DPYD: variants seen among roughly 807,000 people sequenced by gnomAD.
The protein encoded by DPYD is dihydropyrimidine dehydrogenase.
A neutral mutation model predicts 116.2 loss-of-function variants in DPYD; 109 were observed. That is an observed-to-expected ratio of 0.94 (90% confidence interval 0.80 to 1.10). DPYD has a LOEUF of 1.10. DPYD is among the 50% of genes least tolerant of loss of function. The pLI is 0.00. For missense variants in DPYD, 1,302 were observed against 1,254.5 expected, an observed-to-expected ratio of 1.04 and a Z score of -0.57; for synonymous variants, 440 against 432.0, an observed-to-expected ratio of 1.02 and a Z score of -0.23.
At chr1:97,455,004 A>C (rs1340684125) in intron 13 of DPYD, among the ~76,000 whole-genome samples, 1 of 151,912 alleles carries the variant, frequency 6.6e-6, no homozygotes, top group Non-Finnish European at 1.5e-5. Flanking sequence ...AATATATAGA[A>C]TATGACACAC....
At chr1:97,329,239 A>T (rs1050562294) in intron 16 of DPYD, among the ~76,000 whole-genome samples, 1 of 152,206 alleles carries the variant, frequency 6.6e-6, no homozygotes, top group African/African-American at 2.4e-5. Context: ...GCATAAATTC[A>T]TTTTTGTGGT....
intron 12 of DPYD, among the ~76,000 whole-genome samples, chr1:97,547,167 A>G (rs947810396): frequency 4.6e-5 from 7 of 152,170 alleles, no homozygotes; most frequent in African/African-American, 1.7e-4. Context: ...GAAACCTTTC[A>G]AGTATGGGAT....
intron 18 of DPYD, among the ~76,000 whole-genome samples, chr1:97,292,137 C>T (rs985778301): frequency 6.6e-6 from 1 of 151,980 alleles, no homozygotes; most frequent in Non-Finnish European, 1.5e-5. Context: ...ATTAGATGCT[C>T]TAATTCCAAG....
intron 4 of DPYD, among the ~76,000 whole-genome samples, chr1:97,726,233 T>C (rs762768297): frequency 6.6e-6 from 1 of 151,556 alleles, no homozygotes; most frequent in African/African-American, 2.4e-5. Flanking sequence ...AATACAGAAG[T>C]GAGCCAATGG....
chr1:97,773,541 C>T (rs1232127075), intron 3 of DPYD, among the ~76,000 whole-genome samples: 7 of 152,134 alleles, frequency 4.6e-5, no homozygotes. Flanking sequence ...ATGCTCCCCC[C>T]ATCCTGTGCC....
chr1:97,774,153 C>T (rs1483110419), intron 3 of DPYD, among the ~76,000 whole-genome samples: 1 of 152,144 alleles, frequency 6.6e-6, no homozygotes, highest in Non-Finnish European at 1.5e-5. Context: ...GCCACACCAC[C>T]GTTGCATGCC....
intron 3 of DPYD, among the ~76,000 whole-genome samples, chr1:97,790,299 C>G (rs1260594735): frequency 6.6e-6 from 1 of 152,142 alleles, no homozygotes; most frequent in Non-Finnish European, 1.5e-5. Context: ...AGAAAAGTTG[C>G]TGCTAAAAGA....
intron 20 of DPYD, among the ~76,000 whole-genome samples, chr1:97,131,208 T>C (rs533008681): frequency 6.4e-4 from 98 of 152,094 alleles, no homozygotes; most frequent in African/African-American, 2.2e-3. Flanking sequence ...TAACCTAAAT[T>C]GGCTTTTGGT....
chr1:97,762,910 T>C (rs190791605), intron 3 of DPYD, among the ~76,000 whole-genome samples: 19 of 152,236 alleles, frequency 1.2e-4, no homozygotes, highest in Admixed American at 6.6e-4. Flanking sequence ...TCACAACTGC[T>C]GTGAGCCTCA....
chr1:97,643,791 G>A (rs1007107190), intron 8 of DPYD, among the ~76,000 whole-genome samples: 12 of 152,258 alleles, frequency 7.9e-5, no homozygotes, highest in African/African-American at 2.9e-4. Context: ...CAGGGACATG[G>A]ATGAAGCTGG....
intron 16 of DPYD, among the ~76,000 whole-genome samples, chr1:97,352,029 G>A (rs954825125): frequency 6.6e-6 from 1 of 152,128 alleles, no homozygotes; most frequent in Non-Finnish European, 1.5e-5. Flanking sequence ...CAAAAATGGG[G>A]TTAAAGAATC....
chr1:97,338,014 T>G (rs1045922599), intron 16 of DPYD, among the ~76,000 whole-genome samples: 1 of 152,184 alleles, frequency 6.6e-6, no homozygotes, highest in Non-Finnish European at 1.5e-5. Flanking sequence ...CTTCTCCTTT[T>G]CTAAATGTAG....
chr1:97,741,108 G>A (rs960152700), intron 3 of DPYD, among the ~76,000 whole-genome samples: 2 of 152,108 alleles, frequency 1.3e-5, no homozygotes, highest in Non-Finnish European at 2.9e-5. Flanking sequence ...CTGCTGAAGA[G>A]AATGGGCTCC....
Position 97,859,425 on chromosome 1 carries a change from C to T in DPYD, c.150+23839G>A, listed in dbSNP as rs149176432. ...CCCCTCATGGGGAACATGGGCTGTA[C>T]AGGGGATCAAGGCCCTTTGTTTCGG... On this transcript the variant is annotated intron_variant, in intron 2 of 22. Transcript: ENST00000370192. Among the ~76,000 whole-genome samples the T allele has an allele frequency of 2.5e-3, 383 of 152,248 alleles. 6 individuals carry two copies. The highest frequency in any genetic ancestry group is 8.8e-3 in the African/African-American group (367 of 41,544).
intron 14 of DPYD, among the ~76,000 whole-genome samples, chr1:97,399,468 T>C (rs1673230266): frequency 6.6e-6 from 1 of 152,184 alleles, no homozygotes; most frequent in Non-Finnish European, 1.5e-5. Flanking sequence ...AAGTAGTTTT[T>C]TTCCAATTCT....
intron 14 of DPYD, among the ~76,000 whole-genome samples, chr1:97,441,902 A>G (rs1675817503): frequency 6.6e-6 from 1 of 152,196 alleles, no homozygotes; most frequent in Non-Finnish European, 1.5e-5. Flanking sequence ...AGCAGTGCTC[A>G]GCCTGGGGCT....
chr1:97,866,335 G>A (rs969355944), intron 2 of DPYD, among the ~76,000 whole-genome samples: 9 of 151,930 alleles, frequency 5.9e-5, no homozygotes, highest in African/African-American at 2.2e-4. Context: ...ATGAGTTAGA[G>A]GTATGACAAC....
At chr1:97,805,545 G>A (rs1668040112) in intron 3 of DPYD, among the ~76,000 whole-genome samples, 1 of 151,712 alleles carries the variant, frequency 6.6e-6, no homozygotes, top group African/African-American at 2.4e-5. Context: ...ATGTGCTGAG[G>A]TAGACACAGA....
intron 14 of DPYD, among the ~76,000 whole-genome samples, chr1:97,395,224 A>G (rs897230042): frequency 8.6e-5 from 13 of 151,214 alleles, no homozygotes; most frequent in African/African-American, 3.1e-4. Context: ...TACATTCTAG[A>G]GACAGAATAA....
Sources: gnomAD v4.1 joint callset for allele counts (sites outside exome capture counted in the v4.1 genomes callset) on GRCh38, gnomAD v4.1.1 for gene constraint, MANE v1.5 for transcripts, NCBI Gene and HGNC (gene_info 2026-07-23, HGNC 2026-07-21) for gene names.